MTHFD2L: variants seen among roughly 807,000 people sequenced by gnomAD.
The protein encoded by MTHFD2L is bifunctional methylenetetrahydrofolate dehydrogenase/cyclohydrolase 2, mitochondrial.
In MTHFD2L, 29 loss-of-function variants were observed where a neutral mutation model predicts 34.9. The observed-to-expected ratio is 0.83, with a 90% CI of 0.62 to 1.13. The LOEUF (loss-of-function observed/expected upper bound fraction) is 1.13. Among genes scored for constraint, MTHFD2L ranks in the 50% most tolerant of loss-of-function variants. The pLI, the probability that MTHFD2L is intolerant of heterozygous loss-of-function variation, is 0.00. For synonymous variants in MTHFD2L, 167 were observed against 155.7 expected (o/e 1.07, Z -0.54); for missense variants, 481 against 446.5 (o/e 1.08, Z -0.70).
chr4:74,257,184 T>C lies in MTHFD2L; in HGVS notation c.806-24241T>C, dbSNP rs139193063. On this transcript the variant is annotated intron_variant, in intron 6 of 7. Transcript: ENST00000325278. ...TTGTAGAGCTCTTTCACCTCTTGTT[T>C]ATATGTATTTCTAGGTATTTTGTAT... 4.6e-5 allele frequency among the ~76,000 whole-genome samples: 7 copies of C among 152,272 alleles called. No individual in the cohort carries two copies. In the East Asian group the frequency reaches 9.7e-4, roughly 21 times the overall value.
intron 3 of MTHFD2L, among the ~76,000 whole-genome samples, chr4:74,175,814 A>G (rs781504586): frequency 1.3e-5 from 2 of 152,094 alleles, no homozygotes; most frequent in Non-Finnish European, 2.9e-5. Flanking sequence ...AAACTAAGCT[A>G]ATGTTTTTTA....
chr4:74,167,781 T>C (rs571830548), intron 1 of MTHFD2L, among the ~76,000 whole-genome samples: 24 of 152,338 alleles, frequency 1.6e-4, no homozygotes, highest in African/African-American at 5.8e-4. Flanking sequence ...AAGCACAGTG[T>C]TCTTTAACAG....
chr4:74,198,447 T>C (rs543168284), intron 3 of MTHFD2L, among the ~76,000 whole-genome samples: 20 of 152,282 alleles, frequency 1.3e-4, no homozygotes, highest in African/African-American at 4.8e-4. Flanking sequence ...TAAACTAATT[T>C]GAGTCCTAGC....
chr4:74,179,011 G>A (rs1729592611), intron 3 of MTHFD2L, among the ~76,000 whole-genome samples: 1 of 151,992 alleles, frequency 6.6e-6, no homozygotes. Context: ...TATGTGGCAG[G>A]CACTCCCTTA....
intron 1 of MTHFD2L, 50 bp from the exon 2 acceptor site, chr4:74,174,456 T>C (rs959272486): frequency 1.6e-6 from 2 of 1,280,302 alleles, no homozygotes; most frequent in Non-Finnish European, 2.0e-6. Context: ...ATTTGTGCAG[T>C]TGAGTGTTTC....
intron 5 of MTHFD2L, among the ~76,000 whole-genome samples, chr4:74,218,631 A>G (rs780569574): frequency 4.1e-5 from 6 of 145,900 alleles, no homozygotes; most frequent in Non-Finnish European, 9.0e-5. Flanking sequence ...CCCCACCACC[A>G]AAAAAATGAT....
chr4:74,259,067 C>T (rs1194522445), intron 6 of MTHFD2L, among the ~76,000 whole-genome samples: 1 of 152,168 alleles, frequency 6.6e-6, no homozygotes, highest in African/African-American at 2.4e-5. Context: ...CCATGACCCA[C>T]TACTTTTTTC....
chr4:74,219,055 A>G (rs1338277827), intron 5 of MTHFD2L, among the ~76,000 whole-genome samples: 2 of 152,108 alleles, frequency 1.3e-5, no homozygotes, highest in Admixed American at 1.3e-4. Context: ...TATAATACCT[A>G]AGTAATAAGT....
intron 5 of MTHFD2L, among the ~76,000 whole-genome samples, chr4:74,215,676 T>C (rs538372256): frequency 1.6e-4 from 24 of 151,852 alleles, no homozygotes; most frequent in South Asian, 1.5e-3. Flanking sequence ...TTACTATTCT[T>C]AACTTAAAAC....
chr4:74,164,134 C>A (rs551563987), intron 1 of MTHFD2L, among the ~76,000 whole-genome samples: 1 of 152,172 alleles, frequency 6.6e-6, no homozygotes. Flanking sequence ...CCTCAGCCTC[C>A]CAAAGTGCTG....
chr4:74,238,529 G>T (rs1446663910), intron 6 of MTHFD2L, among the ~76,000 whole-genome samples: 1 of 152,162 alleles, frequency 6.6e-6, no homozygotes. Context: ...CACAGCGAAA[G>T]ACACTGTCAT....
At chr4:74,271,310 T>A (rs948412054) in intron 6 of MTHFD2L, among the ~76,000 whole-genome samples, 1 of 151,950 alleles carries the variant, frequency 6.6e-6, no homozygotes, top group African/African-American at 2.4e-5. Context: ...TTAGGTCTAA[T>A]ATTTAAGTCT....
intron 3 of MTHFD2L, among the ~76,000 whole-genome samples, chr4:74,188,185 G>A (rs1731700921): frequency 6.6e-6 from 1 of 152,192 alleles, no homozygotes; most frequent in South Asian, 2.1e-4. Context: ...CATATCCGTG[G>A]TGTATTAGTC....
At chr4:74,254,343 A>T (rs935237089) in intron 6 of MTHFD2L, among the ~76,000 whole-genome samples, 2 of 152,192 alleles carry the variant, frequency 1.3e-5, no homozygotes, top group Admixed American at 1.3e-4. Flanking sequence ...ATTAAAATAA[A>T]AATTTCAAAT....
At chr4:74,132,788 T>A (rs1321097737) in intron 1 of MTHFD2L, among the ~76,000 whole-genome samples, 1 of 152,160 alleles carries the variant, frequency 6.6e-6, no homozygotes, top group African/African-American at 2.4e-5. Context: ...CCACAAACAC[T>A]TTGAATTTTT....
intron 1 of MTHFD2L, among the ~76,000 whole-genome samples, chr4:74,166,940 C>G (rs1178348515): frequency 6.6e-6 from 1 of 152,168 alleles, no homozygotes; most frequent in African/African-American, 2.4e-5. Flanking sequence ...TCCAGAGGAC[C>G]CTGGGCAAGC....
At chr4:74,246,009 G>C (rs1358498227) in intron 6 of MTHFD2L, among the ~76,000 whole-genome samples, 1 of 147,064 alleles carries the variant, frequency 6.8e-6, no homozygotes, top group African/African-American at 2.6e-5. Flanking sequence ...GGGATGGCTG[G>C]GTCAAATGGT....
intron 1 of MTHFD2L, among the ~76,000 whole-genome samples, chr4:74,147,780 G>A (rs551056454): frequency 1.3e-5 from 2 of 152,272 alleles, no homozygotes; most frequent in Admixed American, 6.5e-5. Flanking sequence ...AATAATTAGC[G>A]ATGTTGAGCA....
chr4:74,148,307 A>G (rs572274857), intron 1 of MTHFD2L, among the ~76,000 whole-genome samples: 1 of 37,666 alleles, frequency 2.7e-5, no homozygotes, highest in South Asian at 1.5e-3. Context: ...GGTTTTGGCT[A>G]TTTGTGGTCC....
Sources: allele counts gnomAD v4.1 joint callset (sites outside exome capture counted in the v4.1 genomes callset), GRCh38; gene constraint gnomAD v4.1.1; transcripts MANE v1.5; gene names NCBI Gene and HGNC (gene_info 2026-07-23, HGNC 2026-07-21).